SDSL: variants seen among roughly 807,000 people sequenced by gnomAD.
The protein encoded by SDSL is serine dehydratase like, also known as serine dehydratase-like.
A neutral mutation model predicts 27.6 loss-of-function variants in SDSL; 26 were observed. That is an observed-to-expected ratio of 0.94 (90% CI 0.69 to 1.31). SDSL has a LOEUF of 1.31. Among genes scored for constraint, SDSL ranks in the 50% most tolerant of loss-of-function variants. The pLI is 0.00. For synonymous variants in SDSL, 196 were observed against 180.6 expected, an observed-to-expected ratio of 1.09 and a Z score of -0.69; for missense variants, 431 against 423.5, an observed-to-expected ratio of 1.02 and a Z score of -0.16.
chr12:113,435,224 A>G (rs1276649617), intron 5 of SDSL, 105 bp from the exon 6 acceptor site: 5 of 691,062 alleles, frequency 7.2e-6, no homozygotes, highest in Non-Finnish European at 1.2e-5. Flanking sequence ...GTTTATGTAT[A>G]TGAGGGGGCA....
chr12:113,425,885 A>T, intron 1 of SDSL: 1 of 378,594 alleles, frequency 2.6e-6, no homozygotes, highest in Non-Finnish European at 5.2e-6. Flanking sequence ...GTTACTCGGG[A>T]GGCTGAGGCA....
At chr12:113,424,224 G>T (rs1312292761) in intron 1 of SDSL, among the ~76,000 whole-genome samples, 1 of 152,078 alleles carries the variant, frequency 6.6e-6, no homozygotes. Context: ...GTTTCTCCAT[G>T]TTGGCCAGAC....
chr12:113,435,154 G>C (rs1957972114), intron 5 of SDSL, among the ~76,000 whole-genome samples, 175 bp from the exon 6 acceptor site: 1 of 152,138 alleles, frequency 6.6e-6, no homozygotes. Flanking sequence ...GCTGAGTGAA[G>C]TAACTGTTGC....
At position 113,436,778 on chromosome 12, in the gene SDSL, G is replaced by A. The variant is rs200069926; in HGVS notation, c.699G>A (p.Thr233=). The A allele has an allele frequency of 5.0e-5, 81 of 1,610,294 alleles. No individual in the cohort carries two copies. Among genetic ancestry groups the A allele is most frequent in the African/African-American group, 4.1e-4 (31 of 74,942 alleles). Residue 233 remains threonine, a synonymous_variant, in exon 7 of 8, where the codon ACG becomes ACA. Transcript: ENST00000403593. ...TGGCCAAGAGCCTGGGTGCCAAGACGGTGGCCGCTCGGGCCCTGGAGTGCA... is the reference window on the plus strand; with the variant it reads ...TGGCCAAGAGCCTGGGTGCCAAGACAGTGGCCGCTCGGGCCCTGGAGTGCA... ...TSVAKSLGAK[T]VAARALECMQ...
chr12:113,438,234 T>G lies in SDSL; in HGVS notation c.*155T>G. On this transcript the variant is annotated 3_prime_UTR_variant, in exon 8 of 8. Coordinates refer to ENST00000403593, the MANE Select transcript of SDSL (RefSeq NM_001304993.2). Reference sequence around the variant, plus strand: ...GGAAGCCCTCCTGGACTGCTTCTTTTGGCTCTCCGACAACTCCGGCCAATA... The same window carrying G: ...GGAAGCCCTCCTGGACTGCTTCTTTGGGCTCTCCGACAACTCCGGCCAATA... 1.7e-6 allele frequency: 1 copy of G among 580,472 alleles called. No homozygotes were observed. Among genetic ancestry groups the G allele is most frequent in the Non-Finnish European group, 2.9e-6 (1 of 339,580 alleles). The allele number at this position is 580,472 out of a possible 1,614,324, so 36.0% of individuals were successfully genotyped here. A position where few individuals can be genotyped will look rare whatever the true frequency, so the allele number is the denominator to read the frequency against.
intron 3 of SDSL, 36 bp from the exon 4 acceptor site, chr12:113,429,124 G>C (rs774386672): frequency 1.8e-5 from 28 of 1,595,196 alleles, no homozygotes; most frequent in Non-Finnish European, 2.3e-5. Context: ...AGGCCAATCA[G>C]CTCTGCCCAC....
intron 1 of SDSL, chr12:113,425,536 T>A (rs953650590): frequency 2.6e-6 from 1 of 383,816 alleles, no homozygotes; most frequent in Non-Finnish European, 5.1e-6. Flanking sequence ...CGGCCAATAA[T>A]GGAATGGTGG....
At chr12:113,437,013 C>A (rs537532017) in intron 7 of SDSL, 138 bp downstream of exon 7, 1 of 817,674 alleles carries the variant, frequency 1.2e-6, no homozygotes, top group African/African-American at 1.8e-5. Flanking sequence ...ACTAAGTGCA[C>A]GTCGAGTAGA....
At chr12:113,428,366 G>A in intron 2 of SDSL, 54 bp from the exon 3 acceptor site, 3 of 1,567,574 alleles carry the variant, frequency 1.9e-6, no homozygotes, top group South Asian at 1.2e-5. Flanking sequence ...TTCCACATAG[G>A]CCTTCATGAC....
chr12:113,432,261 TTTCTTTCTTTCTTTCTTTC>T lies in SDSL; in HGVS notation c.355-1870_355-1852del, dbSNP rs1565879120. ...CTTTCTTTCTTTCTTTCTTTCTTTC[TTTCTTTCTTTCTTTCTTTC>T]TTTCTTTCTTTCTCTCTCTCTCTTT... On this transcript the variant is annotated intron_variant, in intron 4 of 7. Transcript: ENST00000403593. Among the ~76,000 whole-genome samples, 25 of 142,368 alleles carry T rather than the reference TTTCTTTCTTTCTTTCTTTC, an allele frequency of 1.8e-4. No homozygotes were observed. The South Asian group carries it at 5.0e-3, about 28-fold the overall frequency. The allele number at this position is 142,368 out of a possible 152,430, so 93.4% of individuals were successfully genotyped here. A position where few individuals can be genotyped will look rare whatever the true frequency, so the allele number is the denominator to read the frequency against.
chr12:113,435,733 GA>G (rs1482921622), intron 6 of SDSL, among the ~76,000 whole-genome samples, 177 bp downstream of exon 6: 1 of 152,128 alleles, frequency 6.6e-6, no homozygotes, highest in African/African-American at 2.4e-5. Flanking sequence ...AGGAGATGAG[GA>G]ATATGATTCA....
intron 6 of SDSL, among the ~76,000 whole-genome samples, chr12:113,436,531 T>C (rs1957996183): frequency 6.6e-6 from 1 of 152,172 alleles, no homozygotes; most frequent in African/African-American, 2.4e-5. Context: ...TCAGGTGATC[T>C]GCCCACCTTG....
chr12:113,436,516 C>T (rs1420075673), intron 6 of SDSL, among the ~76,000 whole-genome samples: 1 of 152,084 alleles, frequency 6.6e-6, no homozygotes, highest in African/African-American at 2.4e-5. Context: ...TTGAACTCCC[C>T]GACCTCAGGT....
intron 1 of SDSL, chr12:113,425,706 C>G: frequency 2.2e-6 from 1 of 455,954 alleles, no homozygotes; most frequent in South Asian, 1.5e-5. Context: ...TCAAACCTCT[C>G]AAAGGGCTGA....
At chr12:113,430,223 A>C (rs1408489105) in intron 4 of SDSL, among the ~76,000 whole-genome samples, 1 of 152,188 alleles carries the variant, frequency 6.6e-6, no homozygotes, top group African/African-American at 2.4e-5. Flanking sequence ...CAGAGATAGT[A>C]AGACATGGTC....
rs534692768 is a variant in SDSL at position 113,426,373 on chromosome 12, G to A, written c.-21-1589G>A. ...TCTGATTTGCATCCTGATTCAAACC[G>A]TGAAAAACCCCAAACCACAACCAAC... On this transcript the variant is annotated intron_variant, in intron 1 of 7. Coordinates refer to ENST00000403593, the MANE Select transcript of SDSL (RefSeq NM_001304993.2). 107 of 368,364 alleles carry A rather than the reference G, an allele frequency of 2.9e-4. 1 individual carries two copies. Among genetic ancestry groups the A allele is most frequent in the South Asian group, 1.9e-3 (96 of 49,676 alleles). The allele number at this position is 368,364 out of a possible 1,614,324, so 22.8% of individuals were successfully genotyped here. A position where few individuals can be genotyped will look rare whatever the true frequency, so the allele number is the denominator to read the frequency against.
intron 7 of SDSL, 66 bp downstream of exon 7, chr12:113,436,941 G>C (rs748462984): frequency 2.1e-6 from 3 of 1,447,382 alleles, no homozygotes; most frequent in Non-Finnish European, 2.7e-6. Flanking sequence ...TCTAGCAAGA[G>C]TGTGTTCTGT....
intron 4 of SDSL, among the ~76,000 whole-genome samples, chr12:113,431,911 A>ATT (rs34838365): frequency 3.8e-5 from 5 of 131,694 alleles, no homozygotes; most frequent in Admixed American, 7.7e-5. Context: ...ACGCCTGGCT[A>ATT]TTTTTTTTTT....
Position 113,435,415 on chromosome 12 carries a change from G to T in SDSL, c.530G>T (p.Gly177Val), listed in dbSNP as rs759737925. The T allele has an allele frequency of 4.3e-6, 7 of 1,612,852 alleles. No individual in the cohort carries two copies. In the South Asian group the frequency reaches 6.6e-5, roughly 15 times the overall value. The stretch of plus-strand genomic sequence containing the variant: ...CTGGTGCTGGCAGTTGGGGGTGGGG[G>T]TCTCCTGGCCGGGGTGGTGGCTGGC... ...GALVLAVGGG[G>V]LLAGVVAGLL... The change falls in exon 6 of 8, where the codon GGT (glycine) becomes GTT (valine). Residue 177 changes from glycine (G) to valine (V), a missense_variant. Physicochemically the swap from Gly to Val is moderately radical, Grantham distance 109 (BLOSUM62 -3). Transcript: ENST00000403593.
Sources: gnomAD v4.1 joint callset for allele counts (sites outside exome capture counted in the v4.1 genomes callset) on GRCh38, gnomAD v4.1.1 for gene constraint, MANE v1.5 for transcripts, NCBI Gene and HGNC (gene_info 2026-07-23, HGNC 2026-07-21) for gene names.